The following SNX2 variants were observed in gnomAD, a reference collection of about 807,000 sequenced individuals.
SNX2 encodes the protein sorting nexin 2.
A neutral mutation model predicts 69.9 loss-of-function variants in SNX2; 25 were observed. The ratio of observed to expected loss-of-function variants is 0.36; its 90% CI spans 0.26 to 0.50. The LOEUF is 0.50. SNX2 is among the 20% of genes least tolerant of loss of function. The pLI, the probability that SNX2 is intolerant of heterozygous loss-of-function variation, is 0.97. For missense variants in SNX2, 551 were observed against 613.3 expected (o/e 0.90, Z 1.07); for synonymous variants, 229 against 200.4 (o/e 1.14, Z -1.20).
At chr5:122,781,583 A>G (rs1299762356) in intron 1 of SNX2, among the ~76,000 whole-genome samples, 1 of 152,194 alleles carries the variant, frequency 6.6e-6, no homozygotes, top group Non-Finnish European at 1.5e-5. Flanking sequence ...ATAAACTGCC[A>G]AACTATTTTC....
chr5:122,799,979 C>A, intron 3 of SNX2, 124 bp downstream of exon 3: 3 of 690,332 alleles, frequency 4.3e-6, no homozygotes, highest in Non-Finnish European at 4.6e-6. Context: ...GAATATTGGA[C>A]TAAATTAGTT....
rs569397438 is a variant in SNX2 at position 122,787,281 on chromosome 5, A to G, written c.109-7985A>G. Among the ~76,000 whole-genome samples, 5 of 152,278 alleles carry G rather than the reference A, an allele frequency of 3.3e-5. 1 individual carries two copies. The highest frequency in any genetic ancestry group is 3.3e-4 in the Admixed American group (5 of 15,294). Reference sequence around the variant, plus strand: ...ACGCCTGTAATCCTAGCACTTTGGGAGGCCAAAGCAGGTGGATCACTTGAG... The same window carrying G: ...ACGCCTGTAATCCTAGCACTTTGGGGGGCCAAAGCAGGTGGATCACTTGAG... On this transcript the variant is annotated intron_variant, in intron 1 of 14. Coordinates refer to ENST00000379516, the MANE Select transcript of SNX2 (RefSeq NM_003100.4).
At chr5:122,820,534 T>TA (rs879598520) in intron 11 of SNX2, among the ~76,000 whole-genome samples, 80 of 134,054 alleles carry the variant, frequency 6.0e-4, no homozygotes, top group Middle Eastern at 3.6e-3. Flanking sequence ...CCATCTCAAA[T>TA]AAAAAAAAAA....
At chr5:122,785,752 T>G (rs1435509092) in intron 1 of SNX2, among the ~76,000 whole-genome samples, 1 of 152,216 alleles carries the variant, frequency 6.6e-6, no homozygotes, top group Non-Finnish European at 1.5e-5. Flanking sequence ...GTTTTATGCT[T>G]TCCATTTTTT....
At chr5:122,777,044 T>C (rs1021756892) in intron 1 of SNX2, among the ~76,000 whole-genome samples, 1 of 152,208 alleles carries the variant, frequency 6.6e-6, no homozygotes, top group African/African-American at 2.4e-5. Context: ...TCAGATTTTT[T>C]TTTTCTTTTT....
intron 1 of SNX2, among the ~76,000 whole-genome samples, chr5:122,779,844 GTA>G (rs1225193510): frequency 1.3e-5 from 2 of 152,046 alleles, no homozygotes; most frequent in African/African-American, 4.8e-5. Flanking sequence ...CATCACCTAG[GTA>G]TTAAGCCCAG....
rs1754177301 is a variant in SNX2, at chr5:122,827,465, TATA to T, written c.1437+12_1437+14del. On this transcript the variant is annotated splice_region_variant and intron_variant, in intron 13 of 14. Coordinates refer to ENST00000379516, the MANE Select transcript of SNX2 (RefSeq NM_003100.4). ...AAGAAGTGGGAAGATTTGAGGCATG[TATA>T]ATAATTTTGCATTTATCTTAACAAC... 1.9e-6 allele frequency: 3 copies of T among 1,612,202 alleles called. No homozygotes were observed. Among genetic ancestry groups the T allele is most frequent in the South Asian group, 1.1e-5 (1 of 90,968 alleles).
At chr5:122,806,721 A>G (rs1390367463) in intron 6 of SNX2, among the ~76,000 whole-genome samples, 2 of 151,836 alleles carry the variant, frequency 1.3e-5, no homozygotes, top group Non-Finnish European at 2.9e-5. Context: ...CAGTGGTGAG[A>G]TTTTTTTTCA....
rs147586504 is a variant in SNX2, at chr5:122,833,414, T to TA, written c.*3771dup. 59 of 152,268 alleles carry TA rather than the reference T, an allele frequency of 3.9e-4. No homozygotes were observed. In the East Asian group the frequency reaches 9.8e-3, roughly 25 times the overall value. 9.4% of individuals were successfully genotyped at this position (152,268 alleles called of 1,614,324 possible). A position where few individuals can be genotyped will look rare whatever the true frequency, so the allele number is the denominator to read the frequency against. On this transcript the variant is annotated 3_prime_UTR_variant, in exon 15 of 15. Transcript: ENST00000379516. Reference sequence around the variant, plus strand: ...TTTAAAATTTTCTACAGCCAAATGTTAAAAAGTAAAAAACAATTTTAATAA... The same window carrying TA: ...TTTAAAATTTTCTACAGCCAAATGTTAAAAAAGTAAAAAACAATTTTAATAA...
intron 11 of SNX2, among the ~76,000 whole-genome samples, chr5:122,823,798 G>GTGTGTGTA (rs1754084100): frequency 6.6e-6 from 1 of 151,724 alleles, no homozygotes; most frequent in Non-Finnish European, 1.5e-5. Flanking sequence ...GTGTGTGTGT[G>GTGTGTGTA]TGTGTGTGTG....
chr5:122,790,889 A>T (rs1252874609), intron 1 of SNX2, among the ~76,000 whole-genome samples: 1 of 152,174 alleles, frequency 6.6e-6, no homozygotes, highest in Middle Eastern at 3.2e-3. Context: ...TAGAACTTTC[A>T]GTATGATGTT....
At chr5:122,820,656 A>C (rs17149686) in intron 11 of SNX2, among the ~76,000 whole-genome samples, 2,280 of 152,234 alleles carry the variant, frequency 0.015, 68 homozygotes, top group African/African-American at 0.053. Context: ...TCATACCCTA[A>C]GTCTTTTTGC....
At chr5:122,783,139 G>A (rs12658694) in intron 1 of SNX2, among the ~76,000 whole-genome samples, 30,587 of 150,882 alleles carry the variant, frequency 0.2, 3,540 homozygotes, top group East Asian at 0.46. Flanking sequence ...CAGAGACAAG[G>A]TTTCATAATG....
chr5:122,796,327 T>C (rs1279373015), intron 2 of SNX2, among the ~76,000 whole-genome samples: 2 of 152,220 alleles, frequency 1.3e-5, no homozygotes, highest in African/African-American at 4.8e-5. Flanking sequence ...TGTACAAACA[T>C]GTTTGAAGAC....
chr5:122,775,141 G>A lies in SNX2; in HGVS notation c.38G>A (p.Gly13Glu), dbSNP rs766734934. ...AGGGAACCTCCTCCGCTGGGGGACG[G>A]GAAGCCCACCGACTTTGAGGATCTG... ...AEREPPPLGD[G>E]KPTDFEDLED... Residue 13 changes from glycine to glutamate, a missense_variant, in exon 1 of 15, where the codon GGG becomes GAG. Around this residue, in one of 2 missense-constraint regions of SNX2, gnomAD observed 191 missense variants for 162.9 expected, o/e 1.17. Coordinates refer to ENST00000379516, the MANE Select transcript of SNX2 (RefSeq NM_003100.4). 1 of 1,596,394 alleles carries A rather than the reference G, an allele frequency of 6.3e-7. No homozygotes were observed. The highest frequency in any genetic ancestry group is 8.5e-7 in the Non-Finnish European group (1 of 1,173,148).
chr5:122,795,555 C>G, intron 2 of SNX2, 172 bp downstream of exon 2: 1 of 580,034 alleles, frequency 1.7e-6, no homozygotes, highest in Non-Finnish European at 3.0e-6. Flanking sequence ...AAAATGTGGA[C>G]TGTCCAGAGA....
At position 122,777,768 on chromosome 5, in the gene SNX2, A is replaced by G. The variant is rs139845955; in HGVS notation, c.108+2557A>G. ...GTGTGATGTTTCAGTACCTGTGTAC[A>G]ATGTGTAATGATCAAATCAGGATAA... is the stretch of plus-strand genomic sequence containing the variant. On this transcript the variant is annotated intron_variant, in intron 1 of 14. Transcript: ENST00000379516. 4.6e-3 allele frequency among the ~76,000 whole-genome samples: 697 copies of G among 152,322 alleles called. 7 individuals are homozygous for G. The highest frequency in any genetic ancestry group is 0.015 in the African/African-American group (619 of 41,578).
At chr5:122,822,720 C>G (rs1412779159) in intron 11 of SNX2, among the ~76,000 whole-genome samples, 1 of 152,138 alleles carries the variant, frequency 6.6e-6, no homozygotes, top group Non-Finnish European at 1.5e-5. Flanking sequence ...TAAGAGTTGG[C>G]TGTATCCTTA....
chr5:122,780,413 A>G (rs967240633), intron 1 of SNX2, among the ~76,000 whole-genome samples: 5 of 152,136 alleles, frequency 3.3e-5, no homozygotes, highest in African/African-American at 1.2e-4. Context: ...TTGCATAGAG[A>G]TGATCTTTGA....
Sources: gnomAD v4.1 joint callset for allele counts (sites outside exome capture counted in the v4.1 genomes callset) on GRCh38, gnomAD v4.1.1 for gene constraint, gnomAD v4.1.1 regional missense constraint, MANE v1.5 for transcripts, NCBI Gene and HGNC (gene_info 2026-07-23, HGNC 2026-07-21) for gene names.